Variants in LMNA observed in about 807,000 individuals in gnomAD.
LMNA encodes the protein lamin A/C.
A neutral mutation model predicts 70.4 loss-of-function variants in LMNA; 20 were observed. The observed-to-expected ratio is 0.28, with a 90% CI of 0.20 to 0.41. The LOEUF is 0.41. Ranked by LOEUF, LMNA falls within the 10% of genes least tolerant of loss-of-function variation. The probability of loss-of-function intolerance (pLI) is 1.00; values close to 1 mark genes in which losing one functional copy is unlikely to be tolerated. For synonymous variants in LMNA, 339 were observed against 372.8 expected, an observed-to-expected ratio of 0.91 and a Z score of 1.04; for missense variants, 652 against 917.2, an observed-to-expected ratio of 0.71 and a Z score of 3.73.
intron 3 of LMNA, among the ~76,000 whole-genome samples, chr1:156,099,316 A>G (rs576251848): frequency 6.6e-6 from 1 of 152,082 alleles, no homozygotes; most frequent in African/African-American, 2.4e-5. Flanking sequence ...GCCTAGCTCC[A>G]CCACTGGCTG....
At position 156,139,254 on chromosome 1, in the gene LMNA, A is replaced by G; in HGVS notation, c.*148A>G. 1 of 1,463,582 alleles carries G rather than the reference A, an allele frequency of 6.8e-7. No individual in the cohort carries two copies. The highest frequency in any genetic ancestry group is 8.9e-7 in the Non-Finnish European group (1 of 1,117,470). 90.7% of individuals were successfully genotyped at this position (1,463,582 alleles called of 1,614,324 possible). On this transcript the variant is annotated 3_prime_UTR_variant, in exon 12 of 12. Coordinates refer to ENST00000368300, the MANE Select transcript of LMNA (RefSeq NM_170707.4). ...TTTTTTCTTCTGTATTTTTTTTTCT[A>G]AGAGAAGTTATTTTCTACAGTGGTT...
Position 156,135,324 on chromosome 1 carries a change from C to A in LMNA, c.936+12C>A. 1 of 1,612,254 alleles carries A rather than the reference C, an allele frequency of 6.2e-7. No homozygotes were observed. Among genetic ancestry groups the A allele is most frequent in the Non-Finnish European group, 8.5e-7 (1 of 1,179,494 alleles). ...AGCTCCAGAAGCAGGTGATACCCCA[C>A]CTCACCCCTCTCTCCAGGGGCCTAG... On this transcript the variant is annotated intron_variant, in intron 5 of 11. Coordinates refer to ENST00000368300, the MANE Select transcript of LMNA (RefSeq NM_170707.4). The surrounding 1 kb of genome is among the most constrained non-coding windows in gnomAD (Gnocchi z 4.8).
chr1:156,130,992 C>T (rs2102867258), intron 2 of LMNA, among the ~76,000 whole-genome samples: 1 of 152,284 alleles, frequency 6.6e-6, no homozygotes, highest in Middle Eastern at 3.4e-3. Context: ...ATCCAGGAGG[C>T]CGGGCATGGT....
intron 1 of LMNA, chr1:156,126,371 CGG>C (rs527584852): frequency 1.4e-4 from 102 of 729,680 alleles, no homozygotes; most frequent in African/African-American, 1.3e-3. Flanking sequence ...GGAGAGGAAA[CGG>C]AGGCCTCTCC....
intron 3 of LMNA, among the ~76,000 whole-genome samples, chr1:156,108,800 T>G (rs987032402): frequency 2.0e-5 from 3 of 152,138 alleles, no homozygotes; most frequent in Non-Finnish European, 4.4e-5. Context: ...ACTAACCATA[T>G]GACCTTAGAC....
intron 3 of LMNA, among the ~76,000 whole-genome samples, chr1:156,101,189 T>C (rs1649128137): frequency 6.6e-6 from 1 of 152,104 alleles, no homozygotes; most frequent in Non-Finnish European, 1.5e-5. Context: ...GGCTTTCATT[T>C]TGAAAAGATC....
In LMNA at chr1:156,136,921, G is replaced by T. The variant is rs267607642; in HGVS notation, c.1381G>T (p.Asp461Tyr). ...FVRLRNKSNE[D>Y]QSMGNWQIKR... ...TTCCTCTTCCCTATCTTCCCGGCAG[G>T]ACCAGTCCATGGGCAATTGGCAGAT... The change falls in exon 8 of 12, where the codon GAC (aspartate) becomes TAC (tyrosine). Residue 461 changes from aspartate to tyrosine, a missense_variant and splice_region_variant. Coordinates refer to ENST00000368300, the MANE Select transcript of LMNA (RefSeq NM_170707.4). This position sits in a 1 kb window ranked among gnomAD's most constrained non-coding sequence, Gnocchi z 6.1. The T allele has an allele frequency of 1.9e-6, 3 of 1,613,442 alleles. No individual in the cohort carries two copies. The highest frequency in any genetic ancestry group is 2.5e-6 in the Non-Finnish European group (3 of 1,179,658).
chr1:156,099,362 G>A (rs1263525369), intron 3 of LMNA, among the ~76,000 whole-genome samples: 1 of 152,170 alleles, frequency 6.6e-6, no homozygotes, highest in Non-Finnish European at 1.5e-5. Context: ...ATGGAGTCAA[G>A]GTTGAGAATG....
chr1:156,096,635 C>T (rs1229267211), intron 3 of LMNA, among the ~76,000 whole-genome samples: 1 of 152,250 alleles, frequency 6.6e-6, no homozygotes, highest in Non-Finnish European at 1.5e-5. Flanking sequence ...CTGTCTTTGG[C>T]ACCCAGATGG....
upstream of LMNA, among the ~76,000 whole-genome samples, chr1:156,110,174 A>G (rs970395032): frequency 2.0e-5 from 3 of 152,012 alleles, no homozygotes; most frequent in Admixed American, 2.0e-4. Flanking sequence ...TTATTTCCAT[A>G]GCTCCTACCG....
chr1:156,117,831 G>A (rs1382688661), intron 1 of LMNA, among the ~76,000 whole-genome samples: 1 of 151,996 alleles, frequency 6.6e-6, no homozygotes, highest in African/African-American at 2.4e-5. Flanking sequence ...ACAGGGCCTT[G>A]CCCTGTTGCT....
intron 3 of LMNA, among the ~76,000 whole-genome samples, chr1:156,106,447 C>T (rs1362731043): frequency 2.0e-5 from 3 of 152,264 alleles, no homozygotes; most frequent in African/African-American, 7.2e-5. Flanking sequence ...CACAGAGACA[C>T]ACAGACTCAC....
intron 3 of LMNA, among the ~76,000 whole-genome samples, chr1:156,102,275 G>A (rs1649170127): frequency 6.6e-6 from 1 of 152,180 alleles, no homozygotes; most frequent in Admixed American, 6.5e-5. Context: ...GGACTTCTAG[G>A]CTCAGTTGTG....
In LMNA at chr1:156,115,581, T is replaced by C. The variant is rs1430772984; in HGVS notation, c.356+307T>C. Among the ~76,000 whole-genome samples the C allele has an allele frequency of 1.3e-5, 2 of 152,042 alleles. No individual in the cohort carries two copies. Among genetic ancestry groups the C allele is most frequent in the African/African-American group, 4.8e-5 (2 of 41,388 alleles). On this transcript the variant is annotated intron_variant, in intron 1 of 11. Coordinates refer to ENST00000368300, the MANE Select transcript of LMNA (RefSeq NM_170707.4). The surrounding 1 kb of genome is among the most constrained non-coding windows in gnomAD (Gnocchi z 5.8). Reference sequence around the variant, plus strand: ...TTCGGTCAGATTGGGATTTGCCAACTATTTGGAGCCGGGGGGAGGGGCTTG... The same window carrying C: ...TTCGGTCAGATTGGGATTTGCCAACCATTTGGAGCCGGGGGGAGGGGCTTG...
intron 2 of LMNA, among the ~76,000 whole-genome samples, chr1:156,131,567 G>A (rs192971289): frequency 7.9e-5 from 12 of 152,290 alleles, no homozygotes; most frequent in Middle Eastern, 3.4e-3. Context: ...TTCAGCCTGG[G>A]TGACAGAGGG....
At chr1:156,126,694 G>T in intron 1 of LMNA, 1 of 1,525,602 alleles carries the variant, frequency 6.6e-7, no homozygotes, top group Non-Finnish European at 8.9e-7. Context: ...TTTCCTCTCT[G>T]TTCCCCTCCC....
intron 1 of LMNA, chr1:156,123,022 G>A (rs1425067976): frequency 6.6e-6 from 1 of 152,314 alleles, no homozygotes; most frequent in African/African-American, 2.4e-5. Context: ...CCCGGCAGGG[G>A]CGCTGAGTCA....
At chr1:156,119,260 G>C (rs1485522719) in intron 1 of LMNA, among the ~76,000 whole-genome samples, 1 of 152,160 alleles carries the variant, frequency 6.6e-6, no homozygotes, top group East Asian at 1.9e-4. Context: ...TGGGACTACA[G>C]GCACATGCCA....
rs1649675914 is a variant in LMNA, at chr1:156,114,710, CAG to C, written c.-208_-207del. On this transcript the variant is annotated 5_prime_UTR_variant, in exon 1 of 12. Coordinates refer to ENST00000368300, the MANE Select transcript of LMNA (RefSeq NM_170707.4). The stretch of plus-strand genomic sequence containing the variant: ...AGCCTTTGCCCCGGCGTCGGTGACT[CAG>C]TGTTCGCGGGAGCGCCGCACCTACA... 3.6e-6 allele frequency: 2 copies of C among 554,706 alleles called. No individual in the cohort carries two copies. Among genetic ancestry groups the C allele is most frequent in the Admixed American group, 6.8e-5 (2 of 29,198 alleles). 34.4% of individuals were successfully genotyped at this position (554,706 alleles called of 1,614,324 possible).
Sources: allele counts gnomAD v4.1 joint callset (sites outside exome capture counted in the v4.1 genomes callset), GRCh38; gene constraint gnomAD v4.1.1; non-coding constraint Gnocchi (gnomAD v3.1); transcripts MANE v1.5; gene names NCBI Gene and HGNC (gene_info 2026-07-23, HGNC 2026-07-21).